CNTNAP5: variants seen among roughly 807,000 people sequenced by gnomAD.
CNTNAP5 encodes the protein contactin-associated protein-like 5.
CNTNAP5 carries 72 observed loss-of-function variants against 150.2 expected under a neutral mutation model. That is an observed-to-expected ratio of 0.48 (90% confidence interval 0.40 to 0.58). CNTNAP5 has a LOEUF of 0.58. Ranked by LOEUF, CNTNAP5 falls within the 20% of genes least tolerant of loss-of-function variation. CNTNAP5 has a pLI of 0.00. For synonymous variants in CNTNAP5, 672 were observed against 619.8 expected (o/e 1.08, Z -1.25); for missense variants, 1,636 against 1,626.2 (o/e 1.01, Z -0.10).
intron 13 of CNTNAP5, among the ~76,000 whole-genome samples, chr2:124,681,353 A>T (rs1197808250): frequency 6.6e-6 from 1 of 150,924 alleles, no homozygotes; most frequent in African/African-American, 2.4e-5. Context: ...GCATGGGGGC[A>T]TATATTATAC....
At chr2:124,184,876 T>C (rs893878027) in intron 1 of CNTNAP5, among the ~76,000 whole-genome samples, 1 of 152,156 alleles carries the variant, frequency 6.6e-6, no homozygotes, top group Non-Finnish European at 1.5e-5. Flanking sequence ...GCACATTTCC[T>C]CTGAAGACTG....
chr2:124,550,242 AAACCCCACAATTTGC>A (rs1452398879), intron 10 of CNTNAP5, among the ~76,000 whole-genome samples: 2 of 152,186 alleles, frequency 1.3e-5, no homozygotes, highest in African/African-American at 4.8e-5. Context: ...GGAAAAAATA[AAACCCCACAATTTGC>A]AACCCCTCTG....
Position 124,920,563 on chromosome 2 carries a change from A to T in CNTNAP5, c.*6275A>T, listed in dbSNP as rs1678852707. On this transcript the variant is annotated 3_prime_UTR_variant, in exon 24 of 24. Transcript: ENST00000682447. Reference sequence around the variant, plus strand: ...AAGAGACTGCCTTTAGTGAGGACAAAGACCAAGAATTTTCTCTTTCTGAAT... The same window carrying T: ...AAGAGACTGCCTTTAGTGAGGACAATGACCAAGAATTTTCTCTTTCTGAAT... Among the ~76,000 whole-genome samples, 1 of 152,152 alleles carries T rather than the reference A, an allele frequency of 6.6e-6. No individual in the cohort carries two copies.
At chr2:124,592,808 C>T (rs899646959) in intron 11 of CNTNAP5, among the ~76,000 whole-genome samples, 1 of 151,820 alleles carries the variant, frequency 6.6e-6, no homozygotes, top group Admixed American at 6.6e-5. Flanking sequence ...TAGGTTGCTA[C>T]CTATTGTGTC....
chr2:124,855,036 T>C (rs991812530), intron 19 of CNTNAP5, among the ~76,000 whole-genome samples: 1 of 152,138 alleles, frequency 6.6e-6, no homozygotes, highest in Non-Finnish European at 1.5e-5. Flanking sequence ...GGAGGGATAC[T>C]GCGTGTTCAG....
intron 19 of CNTNAP5, among the ~76,000 whole-genome samples, chr2:124,822,797 A>G (rs1300754105): frequency 1.3e-5 from 2 of 152,184 alleles, no homozygotes; most frequent in African/African-American, 4.8e-5. Context: ...ATTCTTTTAG[A>G]CAGTGTATGT....
intron 13 of CNTNAP5, among the ~76,000 whole-genome samples, chr2:124,742,940 C>G (rs777788847): frequency 2.0e-5 from 3 of 152,084 alleles, no homozygotes; most frequent in Non-Finnish European, 4.4e-5. Context: ...TATGAAAACT[C>G]TGGTTTCCTA....
At chr2:124,486,043 A>G (rs961630345) in intron 7 of CNTNAP5, among the ~76,000 whole-genome samples, 4 of 152,238 alleles carry the variant, frequency 2.6e-5, no homozygotes, top group Admixed American at 2.6e-4. Flanking sequence ...TTGAAAAAAT[A>G]TAGAACCAGC....
intron 6 of CNTNAP5, among the ~76,000 whole-genome samples, chr2:124,464,907 CT>C (rs991133703): frequency 6.6e-6 from 1 of 152,026 alleles, no homozygotes; most frequent in African/African-American, 2.4e-5. Flanking sequence ...AGTTTGGATC[CT>C]TTTTTTATAC....
intron 3 of CNTNAP5, among the ~76,000 whole-genome samples, chr2:124,347,244 C>T (rs1183895817): frequency 6.6e-6 from 1 of 152,266 alleles, no homozygotes; most frequent in Non-Finnish European, 1.5e-5. Context: ...TGAGGCAGCC[C>T]CCTCTCATGA....
chr2:124,117,340 T>C (rs1683451368), intron 1 of CNTNAP5, among the ~76,000 whole-genome samples: 2 of 152,202 alleles, frequency 1.3e-5, no homozygotes, highest in Admixed American at 1.3e-4. Context: ...GTCTCTTACT[T>C]GTCTCACTTA....
At chr2:124,033,857 C>T (rs1392260210) in intron 1 of CNTNAP5, among the ~76,000 whole-genome samples, 1 of 151,964 alleles carries the variant, frequency 6.6e-6, no homozygotes, top group Non-Finnish European at 1.5e-5. Flanking sequence ...GACACAGAAC[C>T]CCACTGAGTA....
rs187418590 is a variant in CNTNAP5, at chr2:124,395,354, G to A, written c.382-22089G>A. Among the ~76,000 whole-genome samples the A allele has an allele frequency of 1.3e-3, 204 of 152,186 alleles. 4 individuals carry two copies. Among genetic ancestry groups the A allele is most frequent in the Admixed American group, 0.013 (195 of 15,276 alleles). On this transcript the variant is annotated intron_variant, in intron 3 of 23. Coordinates refer to ENST00000682447, the MANE Select transcript of CNTNAP5 (RefSeq NM_001367498.1). ...GGGAACAGACCTGGGTTCACATCCC[G>A]AGTCCACTGCGGGCAACTTACTGAC... is the stretch of plus-strand genomic sequence containing the variant.
At chr2:124,700,978 A>G (rs983182212) in intron 13 of CNTNAP5, among the ~76,000 whole-genome samples, 2 of 152,066 alleles carry the variant, frequency 1.3e-5, no homozygotes, top group African/African-American at 2.4e-5. Context: ...ATCATCTCAC[A>G]TAGTTACGCA....
At chr2:124,672,052 A>G (rs919666065) in intron 13 of CNTNAP5, among the ~76,000 whole-genome samples, 2 of 152,194 alleles carry the variant, frequency 1.3e-5, no homozygotes, top group African/African-American at 4.8e-5. Context: ...AGCTTACACA[A>G]GAGAAATTTG....
At chr2:124,203,800 G>A (rs1685792001) in intron 1 of CNTNAP5, among the ~76,000 whole-genome samples, 2 of 152,252 alleles carry the variant, frequency 1.3e-5, no homozygotes, top group Non-Finnish European at 2.9e-5. Context: ...AAGGCCCTGG[G>A]CCCAGACCAC....
intron 12 of CNTNAP5, among the ~76,000 whole-genome samples, chr2:124,624,106 G>A (rs1278045251): frequency 6.6e-6 from 1 of 152,202 alleles, no homozygotes; most frequent in Non-Finnish European, 1.5e-5. Flanking sequence ...GTGTTGAAGG[G>A]CTGAGCTTTA....
At chr2:124,524,043 T>C (rs1694909238) in intron 8 of CNTNAP5, among the ~76,000 whole-genome samples, 1 of 152,190 alleles carries the variant, frequency 6.6e-6, no homozygotes, top group Admixed American at 6.5e-5. Context: ...TACAACATTT[T>C]GTATTTTTCC....
intron 3 of CNTNAP5, among the ~76,000 whole-genome samples, chr2:124,289,692 C>T (rs761369785): frequency 5.5e-4 from 83 of 152,150 alleles, no homozygotes; most frequent in Middle Eastern, 3.4e-3. Context: ...AGATATATTG[C>T]CATCATTTTA....
Sources: gnomAD v4.1 joint callset for allele counts (sites outside exome capture counted in the v4.1 genomes callset) on GRCh38, gnomAD v4.1.1 for gene constraint, MANE v1.5 for transcripts, NCBI Gene and HGNC (gene_info 2026-07-23, HGNC 2026-07-21) for gene names.